MINDY4: variants seen among roughly 807,000 people sequenced by gnomAD.
The protein encoded by MINDY4 is probable ubiquitin carboxyl-terminal hydrolase MINDY-4.
MINDY4 carries 68 observed loss-of-function variants against 87.0 expected under a neutral mutation model. The observed-to-expected ratio is 0.78, with a 90% confidence interval of 0.64 to 0.96. The LOEUF is 0.96. MINDY4 is among the 40% of genes least tolerant of loss of function. The pLI is 0.00. For missense variants in MINDY4, 919 were observed against 928.2 expected, an observed-to-expected ratio of 0.99 and a Z score of 0.13; for synonymous variants, 379 against 363.2, an observed-to-expected ratio of 1.04 and a Z score of -0.50.
intron 2 of MINDY4, chr7:30,781,590 G>C (rs1787009145): frequency 5.7e-6 from 1 of 173,940 alleles, no homozygotes; most frequent in Non-Finnish European, 1.2e-5. Context: ...TTATGAATCT[G>C]TAGGGTTAGT....
At chr7:30,779,540 A>G (rs961219884) in intron 2 of MINDY4, 4 of 152,250 alleles carry the variant, frequency 2.6e-5, no homozygotes, top group African/African-American at 4.8e-5. Context: ...TGGAAGTCCA[A>G]TATGCAAAGC....
At chr7:30,875,467 G>A in intron 14 of MINDY4, 28 bp from the exon 15 acceptor site, 1 of 1,613,152 alleles carries the variant, frequency 6.2e-7, no homozygotes, top group Non-Finnish European at 8.5e-7. Flanking sequence ...CAGACTTGAT[G>A]AGTCTTTCCC....
intron 7 of MINDY4, among the ~76,000 whole-genome samples, chr7:30,838,706 C>T (rs1474008962): frequency 6.6e-6 from 1 of 152,218 alleles, no homozygotes; most frequent in South Asian, 2.1e-4. Flanking sequence ...ACTGTGGAAT[C>T]ACCTGGGGGA....
chr7:30,804,076 A>T (rs1787735875), intron 5 of MINDY4, among the ~76,000 whole-genome samples: 1 of 152,102 alleles, frequency 6.6e-6, no homozygotes, highest in Non-Finnish European at 1.5e-5. Flanking sequence ...TGGCTGAGGG[A>T]TGGAATTCTG....
At chr7:30,882,538 G>A (rs1208640060) in intron 16 of MINDY4, among the ~76,000 whole-genome samples, 177 bp downstream of exon 16, 7 of 152,184 alleles carry the variant, frequency 4.6e-5, no homozygotes, top group African/African-American at 1.2e-4. Flanking sequence ...TGCAGGAGGC[G>A]GCCAGAGCTG....
Position 30,876,346 on chromosome 7 carries a change from G to A in MINDY4, c.1971+690G>A, listed in dbSNP as rs572878387. ...GCCCACCGTACTCCAGTATGACCTC[G>A]TCTTAACTAATTATGCCTGCAACAA... On this transcript the variant is annotated intron_variant, in intron 15 of 17. Transcript: ENST00000265299. Among the ~76,000 whole-genome samples the A allele has an allele frequency of 3.3e-3, 504 of 152,246 alleles. 3 individuals are homozygous for A. The highest frequency in any genetic ancestry group is 0.012 in the African/African-American group (478 of 41,530).
At chr7:30,851,750 G>A (rs1295129811) in intron 10 of MINDY4, among the ~76,000 whole-genome samples, 2 of 152,208 alleles carry the variant, frequency 1.3e-5, no homozygotes, top group Non-Finnish European at 2.9e-5. Context: ...AAAGGAGCAC[G>A]GGGCCCCAAA....
chr7:30,802,066 G>A (rs780228888), intron 5 of MINDY4, among the ~76,000 whole-genome samples: 3 of 152,014 alleles, frequency 2.0e-5, no homozygotes, highest in Non-Finnish European at 4.4e-5. Flanking sequence ...TAATATTTGG[G>A]AGATGAGTGT....
intron 6 of MINDY4, 126 bp from the exon 7 acceptor site, chr7:30,836,532 G>C: frequency 1.3e-6 from 1 of 770,936 alleles, no homozygotes; most frequent in Admixed American, 2.2e-5. Context: ...GAATGAATGC[G>C]GGGAGGAACC....
intron 13 of MINDY4, among the ~76,000 whole-genome samples, chr7:30,868,934 C>A (rs569774069): frequency 2.6e-5 from 4 of 152,360 alleles, no homozygotes; most frequent in Admixed American, 2.6e-4. Context: ...GCAGCCAGGG[C>A]AGCCAGGGCC....
chr7:30,882,661 C>A (rs1044195841), intron 16 of MINDY4, among the ~76,000 whole-genome samples: 2 of 152,110 alleles, frequency 1.3e-5, no homozygotes, highest in African/African-American at 4.8e-5. Context: ...CAGTGGCGAG[C>A]CATGGAAGGT....
chr7:30,830,291 G>A (rs1788660000), intron 6 of MINDY4, among the ~76,000 whole-genome samples: 1 of 152,216 alleles, frequency 6.6e-6, no homozygotes, highest in Non-Finnish European at 1.5e-5. Context: ...TAGGACAAAG[G>A]AAGAGAGGTA....
intron 13 of MINDY4, among the ~76,000 whole-genome samples, chr7:30,864,789 G>A (rs1584333297): frequency 6.6e-6 from 1 of 152,276 alleles, no homozygotes; most frequent in East Asian, 1.9e-4. Flanking sequence ...CAGGAGAGCA[G>A]ATGTGGGTTT....
At chr7:30,786,126 A>G in intron 4 of MINDY4, 134 bp downstream of exon 4, 1 of 1,216,248 alleles carries the variant, frequency 8.2e-7, no homozygotes, top group Non-Finnish European at 1.2e-6. Context: ...GGTGGGAAGA[A>G]CAGTGCCTCT....
chr7:30,845,280 G>A (rs746019441), intron 9 of MINDY4, among the ~76,000 whole-genome samples: 59 of 152,264 alleles, frequency 3.9e-4, no homozygotes, highest in Non-Finnish European at 5.6e-4. Flanking sequence ...AGTACAGAGA[G>A]CAACATAGCA....
intron 17 of MINDY4, among the ~76,000 whole-genome samples, chr7:30,890,115 A>G (rs182010712): frequency 2.0e-5 from 3 of 152,376 alleles, no homozygotes; most frequent in Admixed American, 6.5e-5. Context: ...AGGAGGACGC[A>G]GAGAAAGTTT....
rs60164229 is a variant in MINDY4, at chr7:30,877,822, CTTTTTTTTT to C, written c.1971+2194_1971+2202del. ...GAGTAGCTGGGATTACAGGGACATG[CTTTTTTTTT>C]TTTTTTTTTTTTTTTTTTTTTTTTT... On this transcript the variant is annotated intron_variant, in intron 15 of 17. Coordinates refer to ENST00000265299, the MANE Select transcript of MINDY4 (RefSeq NM_032222.3). 5.4e-3 allele frequency among the ~76,000 whole-genome samples: 258 copies of C among 47,476 alleles called. 1 individual carries two copies. The highest frequency in any genetic ancestry group is 0.03 in the East Asian group (49 of 1,608). 31.1% of individuals were successfully genotyped at this position (47,476 alleles called of 152,430 possible).
At chr7:30,860,777 T>G (rs962401692) in intron 13 of MINDY4, among the ~76,000 whole-genome samples, 3 of 152,028 alleles carry the variant, frequency 2.0e-5, no homozygotes, top group South Asian at 2.1e-4. Flanking sequence ...CCCAGGCCAG[T>G]CTTCATGTTG....
chr7:30,862,478 G>C (rs1341821318), intron 13 of MINDY4, among the ~76,000 whole-genome samples: 4 of 152,202 alleles, frequency 2.6e-5, no homozygotes, highest in African/African-American at 9.7e-5. Context: ...CCTGCATCCC[G>C]GCACCTCCAG....
Sources: allele counts gnomAD v4.1 joint callset (sites outside exome capture counted in the v4.1 genomes callset), GRCh38; gene constraint gnomAD v4.1.1; transcripts MANE v1.5; gene names NCBI Gene and HGNC (gene_info 2026-07-23, HGNC 2026-07-21).